Variants in MTHFS observed in about 807,000 individuals in gnomAD.
MTHFS encodes the protein methenyltetrahydrofolate synthetase, also known as 5-formyltetrahydrofolate cyclo-ligase.
Under a neutral mutation model 12.7 loss-of-function variants are expected in MTHFS, and 7 were observed. The ratio of observed to expected loss-of-function variants is 0.55; its 90% CI spans 0.31 to 1.03. MTHFS has a LOEUF of 1.03. MTHFS is among the 50% of genes least tolerant of loss of function. The pLI is 0.05. For missense variants in MTHFS, 252 were observed against 258.1 expected, an observed-to-expected ratio of 0.98 and a Z score of 0.16; for synonymous variants, 100 against 97.1, an observed-to-expected ratio of 1.03 and a Z score of -0.18.
chr15:79,849,261 C>T (rs762881352), intron 2 of MTHFS, among the ~76,000 whole-genome samples: 39 of 152,194 alleles, frequency 2.6e-4, no homozygotes, highest in Non-Finnish European at 7.3e-5. Flanking sequence ...AGTCTTCTCC[C>T]ACTTCTGCTA....
At chr15:79,879,496 T>C (rs1050004474) in intron 2 of MTHFS, among the ~76,000 whole-genome samples, 1 of 151,942 alleles carries the variant, frequency 6.6e-6, no homozygotes, top group African/African-American at 2.4e-5. Flanking sequence ...CCCAGCTAAT[T>C]TTTTTCCTTA....
intron 2 of MTHFS, among the ~76,000 whole-genome samples, chr15:79,881,742 G>C (rs975350843): frequency 1.3e-5 from 2 of 152,150 alleles, no homozygotes; most frequent in Non-Finnish European, 2.9e-5. Flanking sequence ...TCAAGAGAGA[G>C]AAAATCTAGG....
intron 2 of MTHFS, among the ~76,000 whole-genome samples, chr15:79,865,565 G>A (rs1388465157): frequency 1.3e-5 from 2 of 152,164 alleles, no homozygotes; most frequent in Non-Finnish European, 2.9e-5. Context: ...GCAGCAAGTT[G>A]CTAAAAAGCA....
intron 2 of MTHFS, among the ~76,000 whole-genome samples, chr15:79,870,535 A>G (rs1039192476): frequency 1.1e-4 from 17 of 152,238 alleles, no homozygotes; most frequent in African/African-American, 4.1e-4. Context: ...AGACAGCCTC[A>G]AAAATAAAAG....
chr15:79,873,439 G>A (rs2034140035), intron 2 of MTHFS, among the ~76,000 whole-genome samples: 1 of 152,096 alleles, frequency 6.6e-6, no homozygotes, highest in Non-Finnish European at 1.5e-5. Flanking sequence ...AAGAAATTTG[G>A]ACTGTTATTA....
At chr15:79,896,202 G>A (rs1054908097) in intron 1 of MTHFS, among the ~76,000 whole-genome samples, 9 of 152,188 alleles carry the variant, frequency 5.9e-5, no homozygotes, top group Non-Finnish European at 1.3e-4. Flanking sequence ...TGATAGCCAA[G>A]TCTTCCTTTC....
At chr15:79,889,474 A>AC in intron 1 of MTHFS, 120 bp from the exon 2 acceptor site, 1 of 1,226,904 alleles carries the variant, frequency 8.2e-7, no homozygotes, top group Non-Finnish European at 1.1e-6. Context: ...AGAAAAAAAA[A>AC]GGGGGGGGGA....
chr15:79,866,089 GT>G (rs201713728), intron 2 of MTHFS, among the ~76,000 whole-genome samples: 6 of 146,636 alleles, frequency 4.1e-5, no homozygotes, highest in South Asian at 2.2e-4. Flanking sequence ...GCAGCTTTTT[GT>G]TTTTTTTTGG....
intron 2 of MTHFS, among the ~76,000 whole-genome samples, chr15:79,848,119 G>A (rs2033651494): frequency 6.6e-6 from 1 of 152,160 alleles, no homozygotes; most frequent in Non-Finnish European, 1.5e-5. Context: ...ATGGATGAAC[G>A]AACAAACCAA....
intron 2 of MTHFS, among the ~76,000 whole-genome samples, chr15:79,872,464 A>G (rs1374565840): frequency 4.6e-5 from 7 of 152,228 alleles, no homozygotes; most frequent in Non-Finnish European, 8.8e-5. Flanking sequence ...TTGCCGGGAA[A>G]GAATTCAGGA....
In MTHFS at chr15:79,889,238, G is replaced by A. The variant is rs755737435; in HGVS notation, c.234C>T (p.Cys78=). 2 of 1,614,176 alleles carry A rather than the reference G, an allele frequency of 1.2e-6. No homozygotes were observed. Among genetic ancestry groups the A allele is most frequent in the East Asian group, 2.2e-5 (1 of 44,880 alleles). The change falls in exon 2 of 3, where the codon TGC becomes TGT. Residue 78 remains cysteine, a synonymous_variant. Coordinates refer to ENST00000258874, the MANE Select transcript of MTHFS (RefSeq NM_006441.4). The part of the protein sequence containing the change: ...IKDIFQRGKI[C]FIPRYRFQSN... ...TCTGGAACCGGTACCGAGGGATGAA[G>A]CAGATTTTGCCTCGTTGGAAAATGT...
intron 1 of MTHFS, 161 bp downstream of exon 1, chr15:79,896,711 A>C: frequency 4.0e-6 from 5 of 1,237,200 alleles, no homozygotes; most frequent in East Asian, 3.1e-5. Flanking sequence ...GACCACGACT[A>C]GGGGGCGTGC....
chr15:79,891,700 G>T (rs902459896), intron 1 of MTHFS, among the ~76,000 whole-genome samples: 28 of 152,222 alleles, frequency 1.8e-4, no homozygotes, highest in Non-Finnish European at 2.9e-5. Context: ...GATATACTTG[G>T]CTCACACCTG....
intron 2 of MTHFS, among the ~76,000 whole-genome samples, chr15:79,887,675 A>C (rs1004596651): frequency 8.5e-5 from 13 of 152,206 alleles, no homozygotes; most frequent in South Asian, 2.1e-4. Context: ...TTTCTTCTCG[A>C]TAAACCTAGG....
chr15:79,860,901 A>T (rs560461902), intron 2 of MTHFS, among the ~76,000 whole-genome samples: 1 of 152,304 alleles, frequency 6.6e-6, no homozygotes, highest in South Asian at 2.1e-4. Flanking sequence ...ACCACTATTC[A>T]AAGTTAAAGA....
chr15:79,863,144 G>A (rs532412748), intron 2 of MTHFS, among the ~76,000 whole-genome samples: 30 of 152,262 alleles, frequency 2.0e-4, no homozygotes, highest in African/African-American at 7.0e-4. Flanking sequence ...AAGTGGCCTG[G>A]AGACTCTACA....
chr15:79,889,689 C>G (rs80001693), intron 1 of MTHFS, among the ~76,000 whole-genome samples: 2,919 of 152,194 alleles, frequency 0.019, 117 homozygotes, highest in African/African-American at 0.066. Context: ...TAGTAGTCTT[C>G]GGTCATTTCA....
At chr15:79,863,127 C>T (rs1054207901) in intron 2 of MTHFS, among the ~76,000 whole-genome samples, 2 of 152,230 alleles carry the variant, frequency 1.3e-5, no homozygotes, top group Admixed American at 6.5e-5. Context: ...TGTCCCTCAA[C>T]AGCCTCAAGT....
intron 2 of MTHFS, among the ~76,000 whole-genome samples, chr15:79,846,747 T>C (rs1242777738): frequency 1.3e-5 from 2 of 152,254 alleles, no homozygotes; most frequent in African/African-American, 4.8e-5. Flanking sequence ...CCAGCTCATT[T>C]GTCCCTCTTG....
Sources: allele counts gnomAD v4.1 joint callset (sites outside exome capture counted in the v4.1 genomes callset), GRCh38; gene constraint gnomAD v4.1.1; transcripts MANE v1.5; gene names NCBI Gene and HGNC (gene_info 2026-07-23, HGNC 2026-07-21).